Variants in CMTM7 observed in about 807,000 individuals in gnomAD.
CMTM7 encodes CKLF-like MARVEL transmembrane domain-containing protein 7.
A neutral mutation model predicts 19.3 loss-of-function variants in CMTM7; 7 were observed. The observed-to-expected ratio is 0.36, with a 90% CI of 0.21 to 0.68. The LOEUF is 0.68. CMTM7 is among the 30% of genes least tolerant of loss of function. The probability of loss-of-function intolerance (pLI) is 0.60; values close to 1 mark genes in which losing one functional copy is unlikely to be tolerated. For missense variants in CMTM7, 193 were observed against 232.6 expected (o/e 0.83, Z 1.11); for synonymous variants, 87 against 99.3 (o/e 0.88, Z 0.74).
At chr3:32,429,016 T>G (rs1007145797) in intron 1 of CMTM7, among the ~76,000 whole-genome samples, 3 of 152,216 alleles carry the variant, frequency 2.0e-5, no homozygotes, top group Non-Finnish European at 4.4e-5. Flanking sequence ...GGTCTGGCTG[T>G]GGTCAGAATG....
rs1166576879 is a variant in CMTM7, at chr3:32,442,765, A to G, written c.333+752A>G. Among the ~76,000 whole-genome samples the G allele has an allele frequency of 2.0e-5, 3 of 152,166 alleles. No individual in the cohort carries two copies. The East Asian group carries it at 5.8e-4, about 29-fold the overall frequency. On this transcript the variant is annotated intron_variant, in intron 2 of 4. Transcript: ENST00000334983. Reference sequence around the variant, plus strand: ...CCACTGTATTATTTTTTAAAGCTTCATTGAGATGCAGTTCATATGCCGTAT... The same window carrying G: ...CCACTGTATTATTTTTTAAAGCTTCGTTGAGATGCAGTTCATATGCCGTAT...
chr3:32,421,515 C>CA (rs1166468786), intron 1 of CMTM7, among the ~76,000 whole-genome samples: 1 of 152,230 alleles, frequency 6.6e-6, no homozygotes, highest in African/African-American at 2.4e-5. Context: ...GTGGAGTCCA[C>CA]ACCAGGGCCA....
intron 1 of CMTM7, among the ~76,000 whole-genome samples, chr3:32,431,049 T>A (rs948999931): frequency 2.0e-5 from 3 of 152,232 alleles, no homozygotes; most frequent in Non-Finnish European, 4.4e-5. Flanking sequence ...CAGATCATCA[T>A]GGAACTTACG....
Position 32,452,354 on chromosome 3 carries a change from A to G in CMTM7, c.433-38A>G, listed in dbSNP as rs747652723. On this transcript the variant is annotated intron_variant, in intron 3 of 4. Transcript: ENST00000334983. ...CAGGATTGCCCGAGTAATTAGCCCT[A>G]TGGCCTGTGAACTTCCTCTCCCCTC... 10 of 1,613,924 alleles carry G rather than the reference A, an allele frequency of 6.2e-6. No homozygotes were observed. In the Admixed American group the frequency reaches 8.3e-5, roughly 13 times the overall value.
In CMTM7 at chr3:32,443,273, G is replaced by GT. The variant is rs112194509; in HGVS notation, c.333+1271dup. On this transcript the variant is annotated intron_variant, in intron 2 of 4. Coordinates refer to ENST00000334983, the MANE Select transcript of CMTM7 (RefSeq NM_138410.4). Reference sequence around the variant, plus strand: ...GCCACCACACCTGGATAATTTTTGTGTTTTTTTTTTTACAGAGATGAGGTT... The same window carrying GT: ...GCCACCACACCTGGATAATTTTTGTGTTTTTTTTTTTTACAGAGATGAGGTT... Among the ~76,000 whole-genome samples the GT allele has an allele frequency of 3.5e-3, 509 of 144,472 alleles. 2 individuals are homozygous for GT. The highest frequency in any genetic ancestry group is 4.6e-3 in the East Asian group (23 of 4,986). The allele number at this position is 144,472 out of a possible 152,430, so 94.8% of individuals were successfully genotyped here. A position where few individuals can be genotyped will look rare whatever the true frequency, so the allele number is the denominator to read the frequency against.
rs539280644 is a variant in CMTM7, at chr3:32,427,203, T to A, written c.160-14637T>A. On this transcript the variant is annotated intron_variant, in intron 1 of 4. Transcript: ENST00000334983. ...CTGCTATTTATGAAAGGTTACTGAC[T>A]TCTCCAGACTAGCTGAGTAGCCCTT... 4.6e-4 allele frequency among the ~76,000 whole-genome samples: 70 copies of A among 152,370 alleles called. 1 individual carries two copies. Among genetic ancestry groups the A allele is most frequent in the African/African-American group, 1.7e-3 (69 of 41,590 alleles).
At chr3:32,417,059 G>T (rs1696277275) in intron 1 of CMTM7, among the ~76,000 whole-genome samples, 1 of 152,196 alleles carries the variant, frequency 6.6e-6, no homozygotes, top group Non-Finnish European at 1.5e-5. Flanking sequence ...CAATTCAGAA[G>T]TTTTTAGTCT....
At chr3:32,399,029 G>A (rs1695960445) in intron 1 of CMTM7, among the ~76,000 whole-genome samples, 1 of 152,112 alleles carries the variant, frequency 6.6e-6, no homozygotes, top group Non-Finnish European at 1.5e-5. Context: ...GCTGTTAGTG[G>A]AGGGAGGAGT....
intron 1 of CMTM7, among the ~76,000 whole-genome samples, chr3:32,440,026 A>G (rs563691269): frequency 4.6e-5 from 7 of 152,070 alleles, no homozygotes; most frequent in Non-Finnish European, 4.4e-5. Context: ...ACACAAAATC[A>G]TATACCCATA....
intron 1 of CMTM7, among the ~76,000 whole-genome samples, chr3:32,437,897 T>TAA (rs1315373416): frequency 2.6e-5 from 4 of 152,070 alleles, no homozygotes; most frequent in Non-Finnish European, 4.4e-5. Context: ...CTCAAAAAAA[T>TAA]AAAATAAATA....
At chr3:32,439,925 G>A (rs1290486669) in intron 1 of CMTM7, among the ~76,000 whole-genome samples, 1 of 152,134 alleles carries the variant, frequency 6.6e-6, no homozygotes, top group Non-Finnish European at 1.5e-5. Context: ...AGCACCCTGG[G>A]CCTCTACCCA....
intron 2 of CMTM7, 90 bp downstream of exon 2, chr3:32,442,103 C>A: frequency 1.7e-6 from 2 of 1,198,012 alleles, no homozygotes; most frequent in Non-Finnish European, 2.4e-6. Flanking sequence ...TCCCGTCTGC[C>A]CATCTCACCT....
intron 1 of CMTM7, among the ~76,000 whole-genome samples, chr3:32,421,972 C>T (rs373108036): frequency 2.0e-5 from 3 of 152,174 alleles, no homozygotes; most frequent in Non-Finnish European, 2.9e-5. Flanking sequence ...TGAGGCCCAA[C>T]GGGGTGAACT....
chr3:32,409,636 G>A lies in CMTM7; in HGVS notation c.159+17571G>A, dbSNP rs561536562. 1.9e-4 allele frequency among the ~76,000 whole-genome samples: 29 copies of A among 152,162 alleles called. No individual in the cohort carries two copies. The South Asian group carries it at 3.3e-3, about 17-fold the overall frequency. ...TTCAGTCTTTCTTGTTCTTCATGAC[G>A]TCAACATTTGTGGAGAGTCCAGGAC... is the stretch of plus-strand genomic sequence containing the variant. On this transcript the variant is annotated intron_variant, in intron 1 of 4. Coordinates refer to ENST00000334983, the MANE Select transcript of CMTM7 (RefSeq NM_138410.4).
chr3:32,432,901 C>T (rs902359398), intron 1 of CMTM7, among the ~76,000 whole-genome samples: 10 of 152,172 alleles, frequency 6.6e-5, no homozygotes, highest in Non-Finnish European at 1.5e-4. Flanking sequence ...CCTCTGATGA[C>T]CTACTCCTCC....
chr3:32,446,159 T>C (rs1221040569), intron 2 of CMTM7, among the ~76,000 whole-genome samples: 1 of 152,048 alleles, frequency 6.6e-6, no homozygotes, highest in East Asian at 1.9e-4. Flanking sequence ...TTGTGGGTAA[T>C]TTTTTTTATT....
intron 1 of CMTM7, among the ~76,000 whole-genome samples, chr3:32,401,000 T>G (rs1695994353): frequency 6.6e-6 from 1 of 152,226 alleles, no homozygotes. Context: ...TTCTCTAGAC[T>G]TTTTAACATC....
intron 1 of CMTM7, among the ~76,000 whole-genome samples, chr3:32,416,492 T>G (rs9880859): frequency 0.26 from 24,466 of 94,736 alleles, 3,255 homozygotes; most frequent in South Asian, 0.29. Context: ...CCGGGTTCAC[T>G]CCATTCTCCT....
intron 1 of CMTM7, among the ~76,000 whole-genome samples, chr3:32,419,553 C>G (rs1696313899): frequency 7.7e-6 from 1 of 130,276 alleles, no homozygotes; most frequent in South Asian, 2.7e-4. Flanking sequence ...TCCTTGCTTG[C>G]TGAAAGTTTT....
Sources: allele counts gnomAD v4.1 joint callset (sites outside exome capture counted in the v4.1 genomes callset), GRCh38; gene constraint gnomAD v4.1.1; transcripts MANE v1.5; gene names NCBI Gene and HGNC (gene_info 2026-07-23, HGNC 2026-07-21).